Variants in CNTLN observed in about 807,000 individuals in gnomAD.
CNTLN encodes centlein, also known as centlein, centrosomal protein.
Under a neutral mutation model 180.0 loss-of-function variants are expected in CNTLN, and 212 were observed. The observed-to-expected ratio is 1.18, with a 90% confidence interval of 1.05 to 1.32. The LOEUF (loss-of-function observed/expected upper bound fraction) is 1.32. Ranked by LOEUF, CNTLN falls within the 40% of genes most tolerant of loss-of-function variation. CNTLN has a pLI of 0.00. For synonymous variants in CNTLN, 722 were observed against 563.1 expected (o/e 1.28, Z -3.99); for missense variants, 2,095 against 1,610.9 (o/e 1.30, Z -5.14).
chr9:17,214,229 A>C (rs1396473193), intron 2 of CNTLN, among the ~76,000 whole-genome samples: 1 of 152,024 alleles, frequency 6.6e-6, no homozygotes, highest in Non-Finnish European at 1.5e-5. Context: ...TTCCTTCAGG[A>C]GGTCTTGTAG....
chr9:17,506,218 G>C (rs1209637064), downstream of CNTLN, among the ~76,000 whole-genome samples: 2 of 151,974 alleles, frequency 1.3e-5, no homozygotes, highest in African/African-American at 4.8e-5. Flanking sequence ...ATTTGGTGAA[G>C]AATTTCTAGC....
chr9:17,369,903 C>T (rs949221003), intron 13 of CNTLN, among the ~76,000 whole-genome samples: 1 of 151,468 alleles, frequency 6.6e-6, no homozygotes, highest in Admixed American at 6.6e-5. Flanking sequence ...AGGGGAATCG[C>T]TTGACCCCGG....
At position 17,465,972 on chromosome 9, in the gene CNTLN, T is replaced by G; in HGVS notation, c.3532-9T>G. On this transcript the variant is annotated splice_polypyrimidine_tract_variant and intron_variant, in intron 21 of 25. Coordinates refer to ENST00000380647, the MANE Select transcript of CNTLN (RefSeq NM_017738.4). ...AACAATAATAATTACCTTTATGCTT[T>G]TAATGTAGGTAAAGACATTAACTGA... is the stretch of plus-strand genomic sequence containing the variant. 6.3e-7 allele frequency: 1 copy of G among 1,593,200 alleles called. No homozygotes were observed. Among genetic ancestry groups the G allele is most frequent in the Non-Finnish European group, 8.6e-7 (1 of 1,167,956 alleles).
chr9:17,171,083 G>C (rs1248779987), intron 2 of CNTLN, among the ~76,000 whole-genome samples: 1 of 152,126 alleles, frequency 6.6e-6, no homozygotes, highest in Non-Finnish European at 1.5e-5. Context: ...GCATTTCTTG[G>C]AATGAATCCT....
chr9:17,496,854 C>T (rs1342453381), intron 25 of CNTLN, among the ~76,000 whole-genome samples: 1 of 152,154 alleles, frequency 6.6e-6, no homozygotes, highest in Non-Finnish European at 1.5e-5. Flanking sequence ...AGTATATATA[C>T]TACACAGTTC....
chr9:17,136,011 C>T (rs1458733173), intron 1 of CNTLN, among the ~76,000 whole-genome samples: 1 of 152,112 alleles, frequency 6.6e-6, no homozygotes, highest in Non-Finnish European at 1.5e-5. Context: ...ATTCCGCGGT[C>T]CTTGAGTGAG....
intron 2 of CNTLN, among the ~76,000 whole-genome samples, chr9:17,179,069 C>T (rs1023379324): frequency 6.8e-6 from 1 of 147,826 alleles, no homozygotes; most frequent in Admixed American, 6.7e-5. Flanking sequence ...ACGGTGAAAC[C>T]CCGTCTCTAC....
chr9:17,520,422 C>A, the CNTLN span, among the ~76,000 whole-genome samples: 2 of 152,156 alleles, frequency 1.3e-5, no homozygotes, highest in African/African-American at 4.8e-5. Context: ...AGAGCTGGAG[C>A]AGGAAGGGAA....
At position 17,366,635 on chromosome 9, in the gene CNTLN, A is replaced by G; in HGVS notation, c.1905A>G (p.Glu635=). 6.5e-7 allele frequency: 1 copy of G among 1,534,788 alleles called. No individual in the cohort carries two copies. The highest frequency in any genetic ancestry group is 9.0e-7 in the Non-Finnish European group (1 of 1,115,554). Residue 635 remains glutamate, a synonymous_variant, in exon 13 of 26, where the codon GAA becomes GAG. Transcript: ENST00000380647. ...TTCATAGGATGAATCTTGAAGAAGA[A>G]TTAGATGAACTTAAAGTACATATAT... is the stretch of plus-strand genomic sequence containing the variant. ...LMIQKMNLEE[E]LDELKVHISI...
intron 18 of CNTLN, among the ~76,000 whole-genome samples, chr9:17,419,667 G>A (rs915193496): frequency 2.0e-5 from 3 of 151,884 alleles, no homozygotes; most frequent in Non-Finnish European, 4.4e-5. Context: ...GAAATAGAAA[G>A]CATATATAAG....
intron 7 of CNTLN, among the ~76,000 whole-genome samples, chr9:17,302,967 T>C (rs1373867246): frequency 6.6e-6 from 1 of 152,194 alleles, no homozygotes; most frequent in Non-Finnish European, 1.5e-5. Context: ...AGTAACCATA[T>C]AATAATAATA....
intron 12 of CNTLN, among the ~76,000 whole-genome samples, chr9:17,365,107 C>G (rs943533144): frequency 6.6e-6 from 1 of 152,152 alleles, no homozygotes; most frequent in Non-Finnish European, 1.5e-5. Flanking sequence ...TGTCCCTGCC[C>G]AAATTTCATG....
chr9:17,184,773 C>A (rs747172094), intron 2 of CNTLN, among the ~76,000 whole-genome samples: 2 of 152,112 alleles, frequency 1.3e-5, no homozygotes, highest in Non-Finnish European at 2.9e-5. Context: ...AGAAAATTAA[C>A]CCCTTTGAAA....
At chr9:17,352,066 A>G (rs1472346303) in intron 12 of CNTLN, among the ~76,000 whole-genome samples, 2 of 152,150 alleles carry the variant, frequency 1.3e-5, no homozygotes. Context: ...TTTTGAATTC[A>G]TAATACAAAA....
chr9:17,495,280 G>A (rs2134386186), intron 25 of CNTLN, among the ~76,000 whole-genome samples: 1 of 152,080 alleles, frequency 6.6e-6, no homozygotes, highest in South Asian at 2.1e-4. Context: ...CCTTCAGGAG[G>A]TATTCCAGAA....
intron 2 of CNTLN, among the ~76,000 whole-genome samples, chr9:17,183,494 GT>G (rs550476207): frequency 5.1e-4 from 75 of 147,706 alleles, no homozygotes; most frequent in Non-Finnish European, 9.3e-4. Context: ...TTTTTTTTTT[GT>G]AAAAAAGGAG....
chr9:17,365,916 A>G (rs1823779846), intron 12 of CNTLN, among the ~76,000 whole-genome samples: 1 of 152,198 alleles, frequency 6.6e-6, no homozygotes. Context: ...ACTGCACTTC[A>G]GCTTGGGTGA....
chr9:17,294,869 GAGGGAGT>G (rs1342448278), intron 6 of CNTLN, among the ~76,000 whole-genome samples: 34 of 64,990 alleles, frequency 5.2e-4, no homozygotes, highest in Admixed American at 1.1e-3. Flanking sequence ...GAGGAGGGCG[GAGGGAGT>G]GGGGGGAGGG....
chr9:17,220,992 A>T (rs1434447206), intron 2 of CNTLN, among the ~76,000 whole-genome samples: 2 of 152,094 alleles, frequency 1.3e-5, no homozygotes, highest in African/African-American at 2.4e-5. Context: ...TTAAAAATAG[A>T]TTCATGGTAT....
Sources: allele counts gnomAD v4.1 joint callset (sites outside exome capture counted in the v4.1 genomes callset), GRCh38; gene constraint gnomAD v4.1.1; transcripts MANE v1.5; gene names NCBI Gene and HGNC (gene_info 2026-07-23, HGNC 2026-07-21).